Variants in ZNF343 observed in about 807,000 individuals in gnomAD.
The protein encoded by ZNF343 is zinc finger protein 343.
ZNF343 carries 11 observed loss-of-function variants against 13.8 expected under a neutral mutation model. The observed-to-expected ratio is 0.80, with a 90% CI of 0.50 to 1.32. The LOEUF (loss-of-function observed/expected upper bound fraction) is 1.32, where lower values mean the gene tolerates loss of function less well. Among genes scored for constraint, ZNF343 ranks in the 40% most tolerant of loss-of-function variants. ZNF343 has a pLI of 0.00. For synonymous variants in ZNF343, 248 were observed against 260.0 expected (o/e 0.95, Z 0.44); for missense variants, 658 against 714.2 (o/e 0.92, Z 0.90).
At position 2,482,915 on chromosome 20, in the gene ZNF343, C is replaced by T. The variant is rs1176793423; in HGVS notation, c.*246G>A. 2 of 530,128 alleles carry T rather than the reference C, an allele frequency of 3.8e-6. No individual in the cohort carries two copies. Among genetic ancestry groups the T allele is most frequent in the Non-Finnish European group, 6.7e-6 (2 of 300,066 alleles). 32.8% of individuals were successfully genotyped at this position (530,128 alleles called of 1,614,324 possible). A position where few individuals can be genotyped will look rare whatever the true frequency, so the allele number is the denominator to read the frequency against. On this transcript the variant is annotated 3_prime_UTR_variant, in exon 6 of 6. Transcript: ENST00000278772. The stretch of plus-strand genomic sequence containing the variant: ...CAGTCCCTACACATAAACTTCTCTC[C>T]TAAGTGTGTCCTTTTGTGCATGCTC...
upstream of ZNF343, among the ~76,000 whole-genome samples, chr20:2,511,202 C>T (rs1477888933): frequency 6.6e-6 from 1 of 151,962 alleles, no homozygotes; most frequent in East Asian, 1.9e-4. Flanking sequence ...CCTCAACCTC[C>T]TGGGCTCAAG....
intron 4 of ZNF343, 21 bp downstream of exon 4, chr20:2,493,498 A>G (rs1342450000): frequency 2.4e-5 from 39 of 1,612,662 alleles, no homozygotes; most frequent in Non-Finnish European, 3.1e-5. Context: ...AGGAAAAAAA[A>G]AAAATGTAAC....
At chr20:2,510,062 A>C (rs765891588), upstream of ZNF343, among the ~76,000 whole-genome samples, 1 of 152,254 alleles carries the variant, frequency 6.6e-6, no homozygotes, top group Non-Finnish European at 1.5e-5. Context: ...AGTTTAGCTT[A>C]GGTGCCTAGC....
intron 5 of ZNF343, among the ~76,000 whole-genome samples, chr20:2,489,552 A>G (rs1244155729): frequency 6.6e-6 from 1 of 152,178 alleles, no homozygotes; most frequent in East Asian, 1.9e-4. Flanking sequence ...TGGTCCCATC[A>G]TTGCTCTTTT....
intron 1 of ZNF343, among the ~76,000 whole-genome samples, chr20:2,505,573 G>T (rs1323300152): frequency 6.6e-6 from 1 of 152,136 alleles, no homozygotes; most frequent in African/African-American, 2.4e-5. Context: ...AAAACAGCAT[G>T]GTACTGGTAC....
rs1406505773 is a variant in ZNF343 at position 2,524,084 on chromosome 20, C to T, written c.-347+371G>A. The stretch of plus-strand genomic sequence containing the variant: ...CCCATAATCCCATCACTTTGGGAGG[C>T]CTAGGCAGGAGGATCCCTTGAGCCC... On this transcript the variant is annotated intron_variant, in intron 1 of 6. Transcript: ENST00000358413. 2.0e-5 allele frequency among the ~76,000 whole-genome samples: 3 copies of T among 151,914 alleles called. No homozygotes were observed. In the East Asian group the frequency reaches 5.8e-4, roughly 29 times the overall value.
At chr20:2,510,657 TGTTAGTACTG>T (rs1568492376), upstream of ZNF343, among the ~76,000 whole-genome samples, 1 of 152,200 alleles carries the variant, frequency 6.6e-6, no homozygotes, top group Non-Finnish European at 1.5e-5. Context: ...GAGGCTGCCG[TGTTAGTACTG>T]GGCAGAATCT....
rs1166106656 is a variant in ZNF343, at chr20:2,483,556, C to T, written c.1405G>A (p.Glu469Lys). ...TTCCGACTAAAGCCTCGGCCACACT[C>T]ACCACACACATAAGGCTTCTCTCCA... ...HSGEKPYVCG[E>K]CGRGFSRKSL... The change falls in exon 6 of 6, where the codon GAG becomes AAG. Residue 469 changes from glutamate to lysine, a missense_variant. Glu to Lys is a moderately conservative substitution (Grantham distance 56). Transcript: ENST00000278772. The T allele has an allele frequency of 4.3e-6, 7 of 1,612,876 alleles. No homozygotes were observed.
intron 1 of ZNF343, among the ~76,000 whole-genome samples, chr20:2,522,031 T>A (rs747223303): frequency 1.3e-5 from 2 of 152,218 alleles, no homozygotes; most frequent in Admixed American, 6.5e-5. Flanking sequence ...TGATTTAACA[T>A]AAACTCTTAG....
Position 2,492,742 on chromosome 20 carries a change from G to C in ZNF343, c.261C>G (p.Tyr87Ter). Residue 87 changes from tyrosine to a stop codon, truncating the protein, a stop_gained, in exon 5 of 6, where the codon TAC becomes TAG. Coordinates refer to ENST00000278772, the MANE Select transcript of ZNF343 (RefSeq NM_024325.6). LOFTEE classifies it low-confidence loss of function (END_TRUNC). Reference protein sequence around the residue: ...KRLSPEQRNLYKEVMLENYRN... With the variant: ...KRLSPEQRNL Reference sequence around the variant, plus strand: ...TGTAATTCTCCAGCATCACTTCTTTGTATAGATTCCTCTGCTCTGGACTCA... The same window carrying C: ...TGTAATTCTCCAGCATCACTTCTTTCTATAGATTCCTCTGCTCTGGACTCA... 1 of 1,612,470 alleles carries C rather than the reference G, an allele frequency of 6.2e-7. No individual in the cohort carries two copies. Among genetic ancestry groups the C allele is most frequent in the South Asian group, 1.1e-5 (1 of 90,738 alleles).
intron 2 of ZNF343, among the ~76,000 whole-genome samples, chr20:2,498,997 G>A (rs1348073732): frequency 3.3e-5 from 5 of 152,016 alleles, no homozygotes; most frequent in Admixed American, 1.3e-4. Flanking sequence ...GCAGCACCAC[G>A]CCCAGATAAT....
At chr20:2,503,827 T>C (rs1414625477) in intron 1 of ZNF343, among the ~76,000 whole-genome samples, 5 of 152,076 alleles carry the variant, frequency 3.3e-5, no homozygotes, top group African/African-American at 1.2e-4. Context: ...GAGGGAAATT[T>C]ATAGCACTAA....
upstream of ZNF343, among the ~76,000 whole-genome samples, chr20:2,513,301 G>T (rs2085746049): frequency 6.6e-6 from 1 of 151,916 alleles, no homozygotes; most frequent in Non-Finnish European, 1.5e-5. Flanking sequence ...ATGAGCAAAG[G>T]ACTCAAATAA....
intron 5 of ZNF343, 125 bp from the exon 6 acceptor site, chr20:2,484,781 T>A: frequency 1.2e-6 from 1 of 852,472 alleles, no homozygotes. Flanking sequence ...ATAACACAAT[T>A]TGCTTCTGAA....
At chr20:2,503,667 G>A (rs1204205268) in intron 1 of ZNF343, among the ~76,000 whole-genome samples, 3 of 152,064 alleles carry the variant, frequency 2.0e-5, no homozygotes, top group South Asian at 2.1e-4. Flanking sequence ...ACTCAAAACC[G>A]CTCAACTACA....
At position 2,492,748 on chromosome 20, in the gene ZNF343, A is replaced by T; in HGVS notation, c.255T>A (p.Asn85Lys). The T allele has an allele frequency of 6.2e-7, 1 of 1,612,648 alleles. No individual in the cohort carries two copies. Among genetic ancestry groups the T allele is most frequent in the Non-Finnish European group, 8.5e-7 (1 of 1,179,614 alleles). ...TCTCCAGCATCACTTCTTTGTATAGATTCCTCTGCTCTGGACTCAGTCTCT... is the reference window on the plus strand; with the variant it reads ...TCTCCAGCATCACTTCTTTGTATAGTTTCCTCTGCTCTGGACTCAGTCTCT... ...EWKRLSPEQR[N>K]LYKEVMLENY... Residue 85 changes from asparagine (N) to lysine (K), a missense_variant, in exon 5 of 6, where the codon AAT (asparagine) becomes AAA (lysine). Coordinates refer to ENST00000278772, the MANE Select transcript of ZNF343 (RefSeq NM_024325.6).
chr20:2,485,960 T>A (rs1266683180), intron 5 of ZNF343, among the ~76,000 whole-genome samples: 2 of 152,244 alleles, frequency 1.3e-5, no homozygotes, highest in Non-Finnish European at 1.5e-5. Context: ...GTTCTCAAAG[T>A]AACTCATTAT....
intron 5 of ZNF343, among the ~76,000 whole-genome samples, chr20:2,490,743 A>G (rs760558939): frequency 3.3e-5 from 5 of 152,122 alleles, no homozygotes; most frequent in Non-Finnish European, 5.9e-5. Flanking sequence ...TGAATCAGTT[A>G]TATGTATTAA....
chr20:2,486,972 G>A (rs2085291123), intron 5 of ZNF343, among the ~76,000 whole-genome samples: 1 of 152,114 alleles, frequency 6.6e-6, no homozygotes, highest in South Asian at 2.1e-4. Context: ...GCTTAACTCT[G>A]CCATTGTATA....
Sources: allele counts gnomAD v4.1 joint callset (sites outside exome capture counted in the v4.1 genomes callset), GRCh38; gene constraint gnomAD v4.1.1; transcripts MANE v1.5; gene names NCBI Gene and HGNC (gene_info 2026-07-23, HGNC 2026-07-21).